RANBP2: variants seen among roughly 807,000 people sequenced by gnomAD.
The protein encoded by RANBP2 is RAN binding protein 2.
RANBP2 carries 57 observed loss-of-function variants against 303.6 expected under a neutral mutation model. The observed-to-expected ratio is 0.19, with a 90% confidence interval of 0.15 to 0.23. RANBP2 has a LOEUF of 0.23. Ranked by LOEUF, RANBP2 falls within the 10% of genes least tolerant of loss-of-function variation. The pLI, the probability that RANBP2 is intolerant of heterozygous loss-of-function variation, is 1.00. For synonymous variants in RANBP2, 1,167 were observed against 1,301.5 expected (o/e 0.90, Z 2.23); for missense variants, 3,138 against 3,780.8 (o/e 0.83, Z 4.46).
At chr2:109,372,815 T>C in the RANBP2 span, among the ~76,000 whole-genome samples, 1 of 152,212 alleles carries the variant, frequency 6.6e-6, no homozygotes, top group Non-Finnish European at 1.5e-5. Context: ...CTTAAGGGCT[T>C]CAGAGTTGGC....
At chr2:109,545,465 T>G in the RANBP2 span, 1 of 1,536,174 alleles carries the variant, frequency 6.5e-7, no homozygotes, top group Non-Finnish European at 8.7e-7. Flanking sequence ...TCTACCTTTC[T>G]CTGCGTCTTT....
chr2:108,795,075 T>C, the RANBP2 span, among the ~76,000 whole-genome samples: 1 of 152,112 alleles, frequency 6.6e-6, no homozygotes, highest in Non-Finnish European at 1.5e-5. Context: ...AAAGTCTTCT[T>C]GTCAACTCTC....
chr2:109,142,532 C>T, the RANBP2 span, among the ~76,000 whole-genome samples: 2,215 of 152,260 alleles, frequency 0.015, 56 homozygotes, highest in African/African-American at 0.049. Flanking sequence ...TCCTGGGCTC[C>T]CCAGGGACAA....
At chr2:108,929,783 G>A in the RANBP2 span, among the ~76,000 whole-genome samples, 1 of 152,174 alleles carries the variant, frequency 6.6e-6, no homozygotes, top group Admixed American at 6.5e-5. Context: ...GGGAGATGCA[G>A]CACTCAGGAA....
At chr2:108,949,718 T>C in the RANBP2 span, among the ~76,000 whole-genome samples, 1 of 152,316 alleles carries the variant, frequency 6.6e-6, no homozygotes, top group Admixed American at 6.5e-5. Flanking sequence ...CCCAGTCCTG[T>C]GTGCCATATG....
chr2:109,336,297 A>G, the RANBP2 span, among the ~76,000 whole-genome samples: 1 of 152,170 alleles, frequency 6.6e-6, no homozygotes, highest in Non-Finnish European at 1.5e-5. Context: ...ACAACCAAAG[A>G]CCCATTTTTA....
chr2:109,488,616 T>C, the RANBP2 span, among the ~76,000 whole-genome samples: 27 of 152,286 alleles, frequency 1.8e-4, no homozygotes, highest in African/African-American at 6.3e-4. Context: ...CTTCTTTTCC[T>C]TTCTAGTTTC....
the RANBP2 span, among the ~76,000 whole-genome samples, chr2:109,318,400 C>T: frequency 3.9e-5 from 6 of 152,198 alleles, no homozygotes; most frequent in African/African-American, 1.2e-4. Flanking sequence ...GAAATGCCGC[C>T]GAGCGCCAGA....
chr2:109,699,289 T>C, the RANBP2 span, among the ~76,000 whole-genome samples: 1 of 152,208 alleles, frequency 6.6e-6, no homozygotes, highest in Non-Finnish European at 1.5e-5. Flanking sequence ...GCTCTGTGTA[T>C]TCTAGTTGTC....
At chr2:108,843,239 C>A in the RANBP2 span, among the ~76,000 whole-genome samples, 100 of 152,264 alleles carry the variant, frequency 6.6e-4, no homozygotes, top group African/African-American at 2.2e-3. Flanking sequence ...CTCACTGCAA[C>A]CTCCGTCTGC....
the RANBP2 span, among the ~76,000 whole-genome samples, chr2:109,555,785 G>A: frequency 3.9e-5 from 6 of 152,314 alleles, no homozygotes; most frequent in African/African-American, 1.4e-4. Context: ...GCTTGGGGCG[G>A]CTGCCTTTGC....
chr2:108,722,248 C>G (rs867833425), intron 1 of RANBP2, among the ~76,000 whole-genome samples: 1 of 152,086 alleles, frequency 6.6e-6, no homozygotes, highest in African/African-American at 2.4e-5. Flanking sequence ...CTCTCTTACA[C>G]TTAGAGTCTT....
the RANBP2 span, among the ~76,000 whole-genome samples, chr2:109,306,201 T>C: frequency 1.7e-3 from 252 of 152,274 alleles, no homozygotes; most frequent in African/African-American, 5.6e-3. Flanking sequence ...AGACCGTCTT[T>C]CAGAAGAGAT....
the RANBP2 span, among the ~76,000 whole-genome samples, chr2:109,486,312 G>C: frequency 7.2e-5 from 11 of 152,122 alleles, no homozygotes; most frequent in Admixed American, 1.3e-4. Context: ...TTTACATTTT[G>C]TGGAACTCCC....
At chr2:109,731,273 C>T in the RANBP2 span, among the ~76,000 whole-genome samples, 7 of 152,200 alleles carry the variant, frequency 4.6e-5, 1 homozygote, top group South Asian at 1.2e-3. Context: ...TTTTGTGTAT[C>T]GGGAGTTGGT....
the RANBP2 span, among the ~76,000 whole-genome samples, chr2:109,113,810 T>C: frequency 6.6e-6 from 1 of 152,364 alleles, no homozygotes; most frequent in East Asian, 1.9e-4. Context: ...ATATGTCCCA[T>C]CAATACCTAA....
the RANBP2 span, among the ~76,000 whole-genome samples, chr2:109,304,009 G>A: frequency 6.6e-6 from 1 of 152,034 alleles, no homozygotes; most frequent in African/African-American, 2.4e-5. Flanking sequence ...GCTGAGGCAG[G>A]AGAATTGCTT....
the RANBP2 span, among the ~76,000 whole-genome samples, chr2:109,443,679 G>T: frequency 1.3e-5 from 2 of 152,102 alleles, no homozygotes; most frequent in African/African-American, 4.8e-5. Context: ...CAATAAAGGG[G>T]TCAGTTCATT....
chr2:108,937,159 G>A, the RANBP2 span, among the ~76,000 whole-genome samples: 6 of 152,368 alleles, frequency 3.9e-5, no homozygotes, highest in East Asian at 1.2e-3. Flanking sequence ...GGGCCCCAGA[G>A]TTTCAAACAG....
Sources: gnomAD v4.1 joint callset for allele counts (sites outside exome capture counted in the v4.1 genomes callset) on GRCh38, gnomAD v4.1.1 for gene constraint, MANE v1.5 for transcripts, NCBI Gene and HGNC (gene_info 2026-07-23, HGNC 2026-07-21) for gene names.